The following PRSS50 variants were observed in gnomAD, a reference collection of about 807,000 sequenced individuals.
The protein encoded by PRSS50 is serine protease 50.
A neutral mutation model predicts 34.2 loss-of-function variants in PRSS50; 23 were observed. The ratio of observed to expected loss-of-function variants is 0.67; its 90% CI spans 0.48 to 0.95. PRSS50 has a LOEUF of 0.95. PRSS50 is among the 40% of genes least tolerant of loss of function. PRSS50 has a pLI of 0.00. For missense variants in PRSS50, 484 were observed against 513.4 expected, an observed-to-expected ratio of 0.94 and a Z score of 0.55; for synonymous variants, 224 against 211.2, an observed-to-expected ratio of 1.06 and a Z score of -0.53.
In PRSS50 at chr3:46,712,193, C is replaced by T; in HGVS notation, c.*53G>A. On this transcript the variant is annotated 3_prime_UTR_variant, in exon 6 of 6. Coordinates refer to ENST00000315170, the MANE Select transcript of PRSS50 (RefSeq NM_013270.5). ...AGGGCTGTGACAGCTGCACCCACAG[C>T]AACCTGGGCACGGAGGCAAGGGGGG... The T allele has an allele frequency of 1.4e-6, 2 of 1,468,212 alleles. No homozygotes were observed. The highest frequency in any genetic ancestry group is 2.3e-5 in the East Asian group (1 of 42,640). 90.9% of individuals were successfully genotyped at this position (1,468,212 alleles called of 1,614,324 possible).
rs1236537441 is a variant in PRSS50, at chr3:46,716,733, T to C, written c.307+704A>G. Among the ~76,000 whole-genome samples, 2 of 152,358 alleles carry C rather than the reference T, an allele frequency of 1.3e-5. No individual in the cohort carries two copies. The highest frequency in any genetic ancestry group is 2.9e-5 in the Non-Finnish European group (2 of 68,040). ...CGCTTTGGAAAACAATTTCTCTAGATTGAAGATGCACATATCCAACATCTC... is the reference window on the plus strand; with the variant it reads ...CGCTTTGGAAAACAATTTCTCTAGACTGAAGATGCACATATCCAACATCTC... On this transcript the variant is annotated intron_variant, in intron 2 of 5. Transcript: ENST00000315170. This position sits in a 1 kb window ranked among gnomAD's most constrained non-coding sequence, Gnocchi z 4.4.
chr3:46,717,482 C>T lies in PRSS50; in HGVS notation c.262G>A (p.Glu88Lys). Residue 88 changes from glutamate to lysine, a missense_variant, in exon 2 of 6, where the codon GAG (glutamate) becomes AAG (lysine). Transcript: ENST00000315170. This position sits in a 1 kb window ranked among gnomAD's most constrained non-coding sequence, Gnocchi z 4.5. Reference protein sequence around the residue: ...TTQTLPSTTMETQFPVSEGKV... With the variant: ...TTQTLPSTTMKTQFPVSEGKV... ...CCTTCAGAAACTGGGAATTGGGTCTCCATGGTGGTCGAGGGCAGTGTCTGG... is the reference window on the plus strand; with the variant it reads ...CCTTCAGAAACTGGGAATTGGGTCTTCATGGTGGTCGAGGGCAGTGTCTGG... 6.2e-7 allele frequency: 1 copy of T among 1,613,940 alleles called. No individual in the cohort carries two copies. Among genetic ancestry groups the T allele is most frequent in the Non-Finnish European group, 8.5e-7 (1 of 1,179,996 alleles).
Position 46,712,400 on chromosome 3 carries a change from T to C in PRSS50, c.1004A>G (p.Gln335Arg), listed in dbSNP as rs771446622. The C allele has an allele frequency of 6.2e-7, 1 of 1,613,884 alleles. No individual in the cohort carries two copies. The highest frequency in any genetic ancestry group is 1.7e-5 in the Admixed American group (1 of 60,008). The change falls in exon 6 of 6, where the codon CAG becomes CGG. Residue 335 changes from glutamine to arginine, a missense_variant. Physicochemically the swap from Gln to Arg is conservative, Grantham distance 43. Transcript: ENST00000315170. ...GTAGATGGGTGGGGCCTCGCTCTTC[T>C]GGCAGCCTGCACCCCAGCTCACCAA... ...VGLVSWGAGC[Q>R]KSEAPPIYLQ...
At chr3:46,712,535 A>G (rs1003652041) in intron 5 of PRSS50, 53 bp from the exon 6 acceptor site, 3 of 1,546,398 alleles carry the variant, frequency 1.9e-6, no homozygotes, top group Non-Finnish European at 1.8e-6. Flanking sequence ...AAGGCCAGAG[A>G]CGACCCAGCT....
At position 46,715,123 on chromosome 3, in the gene PRSS50, A is replaced by G. The variant is rs1250534926; in HGVS notation, c.470+412T>C. ...CCCAACAAGCTGGAAGGAATGATCC[A>G]TCCCTCCTCTGCCCCCAGTGTCCAG... On this transcript the variant is annotated intron_variant, in intron 3 of 5. Coordinates refer to ENST00000315170, the MANE Select transcript of PRSS50 (RefSeq NM_013270.5). This position sits in a 1 kb window ranked among gnomAD's most constrained non-coding sequence, Gnocchi z 5.2. Among the ~76,000 whole-genome samples the G allele has an allele frequency of 1.3e-5, 2 of 152,220 alleles. No homozygotes were observed. Among genetic ancestry groups the G allele is most frequent in the Admixed American group, 6.5e-5 (1 of 15,286 alleles).
intron 4 of PRSS50, among the ~76,000 whole-genome samples, chr3:46,713,566 TCCTCC>T: frequency 6.6e-6 from 1 of 152,226 alleles, no homozygotes; most frequent in South Asian, 2.1e-4. Flanking sequence ...CACTCCCAGG[TCCTCC>T]CACATGGGCT....
Position 46,714,331 on chromosome 3 carries a change from T to C in PRSS50, c.641A>G (p.Gln214Arg), listed in dbSNP as rs764877731. Residue 214 changes from glutamine (Q) to arginine (R), a missense_variant, in exon 4 of 6, where the codon CAG becomes CGG. Physicochemically the swap from Gln to Arg is conservative, Grantham distance 43. Coordinates refer to ENST00000315170, the MANE Select transcript of PRSS50 (RefSeq NM_013270.5). ...ANDIGLLKLKQELKYSNYVRP... is the reference protein window; with the variant it reads ...ANDIGLLKLKRELKYSNYVRP... ...CACGTAATTGCTGTACTTGAGTTCC[T>C]GCTTGAGCTTGAGGAGGCCGATGTC... 6.2e-7 allele frequency: 1 copy of C among 1,614,112 alleles called. No individual in the cohort carries two copies. The highest frequency in any genetic ancestry group is 8.5e-7 in the Non-Finnish European group (1 of 1,180,036).
In PRSS50 at chr3:46,712,268, AG is replaced by A. The variant is rs762689290; in HGVS notation, c.1135del (p.Leu379SerfsTer?). ...RTLLLALPLP[L>X]SLLAAL Reference sequence around the variant, plus strand: ...GAGTCAGAGGGCAGCAAGGAGGCTGAGGGGCAGTGGGAGTGCCAGGAGCAGG... The same window carrying A: ...GAGTCAGAGGGCAGCAAGGAGGCTGAGGGCAGTGGGAGTGCCAGGAGCAGG... On this transcript the variant is annotated frameshift_variant, in exon 6 of 6. Coordinates refer to ENST00000315170, the MANE Select transcript of PRSS50 (RefSeq NM_013270.5). LOFTEE classifies it high-confidence loss of function. 1 of 1,610,668 alleles carries A rather than the reference AG, an allele frequency of 6.2e-7. No homozygotes were observed. The highest frequency in any genetic ancestry group is 1.3e-5 in the African/African-American group (1 of 74,850).
At position 46,712,119 on chromosome 3, in the gene PRSS50, T is replaced by G; in HGVS notation, c.*127A>C. 1.1e-6 allele frequency: 1 copy of G among 873,582 alleles called. No individual in the cohort carries two copies. The highest frequency in any genetic ancestry group is 1.8e-5 in the South Asian group (1 of 56,762). The allele number at this position is 873,582 out of a possible 1,614,324, so 54.1% of individuals were successfully genotyped here. On this transcript the variant is annotated 3_prime_UTR_variant, in exon 6 of 6. Coordinates refer to ENST00000315170, the MANE Select transcript of PRSS50 (RefSeq NM_013270.5). ...TCTGAGGCCGGGGAAGAAGGAGGCA[T>G]GGAAAACAGTAATGTTTAATTGAGC...
At position 46,717,234 on chromosome 3, in the gene PRSS50, G is replaced by A. The variant is rs367718656; in HGVS notation, c.307+203C>T. On this transcript the variant is annotated intron_variant, in intron 2 of 5. Transcript: ENST00000315170. The surrounding 1 kb of genome is among the most constrained non-coding windows in gnomAD (Gnocchi z 4.5). ...CCTCAGCAGGAGGGGAGGCCTGTGA[G>A]GACAAGACACCCAGAGCTCTGGGCC... Among the ~76,000 whole-genome samples the A allele has an allele frequency of 1.3e-5, 2 of 152,148 alleles. No homozygotes were observed. Among genetic ancestry groups the A allele is most frequent in the Non-Finnish European group, 2.9e-5 (2 of 68,026 alleles).
chr3:46,717,251 C>T lies in PRSS50; in HGVS notation c.307+186G>A, dbSNP rs1426295203. On this transcript the variant is annotated intron_variant, in intron 2 of 5. Coordinates refer to ENST00000315170, the MANE Select transcript of PRSS50 (RefSeq NM_013270.5). This position sits in a 1 kb window ranked among gnomAD's most constrained non-coding sequence, Gnocchi z 4.5. ...GCCTGTGAGGACAAGACACCCAGAG[C>T]TCTGGGCCTCCAGACAGGACCAGGC... Among the ~76,000 whole-genome samples, 1 of 152,196 alleles carries T rather than the reference C, an allele frequency of 6.6e-6. No individual in the cohort carries two copies. Among genetic ancestry groups the T allele is most frequent in the Non-Finnish European group, 1.5e-5 (1 of 68,030 alleles).
rs555616027 is a variant in PRSS50, at chr3:46,714,120, G to A, written c.754+98C>T. On this transcript the variant is annotated intron_variant, in intron 4 of 5. Coordinates refer to ENST00000315170, the MANE Select transcript of PRSS50 (RefSeq NM_013270.5). Reference sequence around the variant, plus strand: ...TCCCGGGAGCGGCAGGCTCCCTGGGGAAGGTGCCTCAGAAACATCCATCTG... The same window carrying A: ...TCCCGGGAGCGGCAGGCTCCCTGGGAAAGGTGCCTCAGAAACATCCATCTG... The A allele has an allele frequency of 7.5e-6, 11 of 1,460,468 alleles. No individual in the cohort carries two copies. The South Asian group carries it at 8.1e-5, about 11-fold the overall frequency. 90.5% of individuals were successfully genotyped at this position (1,460,468 alleles called of 1,614,324 possible). A position where few individuals can be genotyped will look rare whatever the true frequency, so the allele number is the denominator to read the frequency against.
At chr3:46,713,119 G>T in intron 4 of PRSS50, 52 bp from the exon 5 acceptor site, 7 of 1,593,158 alleles carry the variant, frequency 4.4e-6, no homozygotes, top group Admixed American at 1.7e-5. Flanking sequence ...GCCCACTACC[G>T]CCAGCCTCAC....
chr3:46,713,433 T>G (rs1257182708), intron 4 of PRSS50, among the ~76,000 whole-genome samples: 11 of 152,182 alleles, frequency 7.2e-5, no homozygotes, highest in Non-Finnish European at 1.6e-4. Flanking sequence ...TGCTGAGCCT[T>G]CCCAGACCCC....
At position 46,712,991 on chromosome 3, in the gene PRSS50, G is replaced by A. The variant is rs2106792700; in HGVS notation, c.831C>T (p.Tyr277=). The change falls in exon 5 of 6, where the codon TAC becomes TAT. Residue 277 remains tyrosine (Y), a synonymous_variant. Transcript: ENST00000315170. ...ILNNKECDNF[Y]HNFTKIPTLV... is the part of the protein sequence containing the mutation. ...GAGTGGGGATTTTGGTGAAGTTGTGGTAGAAATTGTCACACTCTTTGTTGT... is the reference window on the plus strand; with the variant it reads ...GAGTGGGGATTTTGGTGAAGTTGTGATAGAAATTGTCACACTCTTTGTTGT... 1.2e-6 allele frequency: 2 copies of A among 1,614,152 alleles called. No homozygotes were observed. Among genetic ancestry groups the A allele is most frequent in the Non-Finnish European group, 1.7e-6 (2 of 1,180,026 alleles).
Position 46,715,358 on chromosome 3 carries a change from G to A in PRSS50, c.470+177C>T, listed in dbSNP as rs78717371. ...GCCAGACGAGGGGAGCGAACGGTGG[G>A]ACACTGAAAAGACTGGAGCTCTGAA... On this transcript the variant is annotated intron_variant, in intron 3 of 5. Coordinates refer to ENST00000315170, the MANE Select transcript of PRSS50 (RefSeq NM_013270.5). The surrounding 1 kb of genome is among the most constrained non-coding windows in gnomAD (Gnocchi z 5.2). Among the ~76,000 whole-genome samples, 7,765 of 152,244 alleles carry A rather than the reference G, an allele frequency of 0.051. 341 individuals carry two copies. The highest frequency in any genetic ancestry group is 0.12 in the South Asian group (592 of 4,826).
Position 46,715,757 on chromosome 3 carries a change from C to T in PRSS50, c.308-60G>A, listed in dbSNP as rs181341143. 4.9e-5 allele frequency: 73 copies of T among 1,501,258 alleles called. No individual in the cohort carries two copies. The East Asian group carries it at 1.6e-3, about 33-fold the overall frequency. 93.0% of individuals were successfully genotyped at this position (1,501,258 alleles called of 1,614,324 possible). A position where few individuals can be genotyped will look rare whatever the true frequency, so the allele number is the denominator to read the frequency against. On this transcript the variant is annotated intron_variant, in intron 2 of 5. Transcript: ENST00000315170. This position sits in a 1 kb window ranked among gnomAD's most constrained non-coding sequence, Gnocchi z 5.2. ...ATCTTTCCCTGTCCCTCCCCTCCCC[C>T]AGCCTGACCTCGTGCCTCTCCAGCC...
Position 46,717,816 on chromosome 3 carries a change from G to C in PRSS50, c.9C>G (p.Arg3=). The C allele has an allele frequency of 6.6e-7, 1 of 1,523,558 alleles. No individual in the cohort carries two copies. The highest frequency in any genetic ancestry group is 8.8e-7 in the Non-Finnish European group (1 of 1,136,268). 94.4% of individuals were successfully genotyped at this position (1,523,558 alleles called of 1,614,324 possible). The change falls in exon 1 of 6, where the codon CGC becomes CGG. Residue 3 remains arginine, a synonymous_variant. Transcript: ENST00000315170. The surrounding 1 kb of genome is among the most constrained non-coding windows in gnomAD (Gnocchi z 4.5). ...GCCCGCGCGCGACGGTCTGGCACCAGCGACCCATCCCGGGGTGGCAGCCGA... is the reference window on the plus strand; with the variant it reads ...GCCCGCGCGCGACGGTCTGGCACCACCGACCCATCCCGGGGTGGCAGCCGA... MG[R]WCQTVARGQR...
chr3:46,712,494 G>C lies in PRSS50; in HGVS notation c.922-12C>G, dbSNP rs779384439. On this transcript the variant is annotated splice_polypyrimidine_tract_variant and intron_variant, in intron 5 of 5. Coordinates refer to ENST00000315170, the MANE Select transcript of PRSS50 (RefSeq NM_013270.5). ...TCTCCAGTTAGCTCCTGTGGGAAGG[G>C]TTGGGGGAGTAAGGGTCAGGGAGGC... is the stretch of plus-strand genomic sequence containing the variant. 4 of 1,613,030 alleles carry C rather than the reference G, an allele frequency of 2.5e-6. No individual in the cohort carries two copies. The African/African-American group carries it at 4.0e-5, about 16-fold the overall frequency.
Sources: gnomAD v4.1 joint callset for allele counts (sites outside exome capture counted in the v4.1 genomes callset) on GRCh38, gnomAD v4.1.1 for gene constraint, Gnocchi (gnomAD v3.1) non-coding constraint, MANE v1.5 for transcripts, NCBI Gene and HGNC (gene_info 2026-07-23, HGNC 2026-07-21) for gene names.